Variants in NR2C1 observed in about 807,000 individuals in gnomAD.
NR2C1 encodes nuclear receptor subfamily 2 group C member 1, also known as TR2 nuclear hormone receptor.
A neutral mutation model predicts 74.8 loss-of-function variants in NR2C1; 33 were observed. That is an observed-to-expected ratio of 0.44 (90% confidence interval 0.33 to 0.59). NR2C1 has a LOEUF of 0.59. NR2C1 is among the 20% of genes least tolerant of loss of function. The pLI, the probability that NR2C1 is intolerant of heterozygous loss-of-function variation, is 0.02. For synonymous variants in NR2C1, 225 were observed against 240.6 expected, an observed-to-expected ratio of 0.94 and a Z score of 0.60; for missense variants, 568 against 715.6, an observed-to-expected ratio of 0.79 and a Z score of 2.35.
chr12:95,071,201 CAAAA>C (rs779085122), intron 1 of NR2C1, among the ~76,000 whole-genome samples: 2 of 94,026 alleles, frequency 2.1e-5, no homozygotes, highest in African/African-American at 3.6e-5. Context: ...AACTCCGTCT[CAAAA>C]AAAAAAAAAA....
chr12:95,040,670 T>C (rs1871415670), intron 9 of NR2C1, 73 bp from the exon 10 acceptor site: 2 of 1,427,464 alleles, frequency 1.4e-6, no homozygotes, highest in African/African-American at 2.8e-5. Context: ...TTTGAAAAAG[T>C]TTAAACGTAA....
chr12:95,048,621 A>AG (rs1491047972), intron 9 of NR2C1, among the ~76,000 whole-genome samples: 3 of 123,762 alleles, frequency 2.4e-5, no homozygotes, highest in South Asian at 2.8e-4. Context: ...TATGCAGATG[A>AG]GTTTTTTTTT....
intron 10 of NR2C1, among the ~76,000 whole-genome samples, chr12:95,033,164 A>T (rs1870373381): frequency 6.6e-6 from 1 of 151,948 alleles, no homozygotes; most frequent in African/African-American, 2.4e-5. Context: ...AAAAAAAAAA[A>T]TTGAGAAAGT....
At chr12:95,067,118 T>G (rs1875831179) in intron 2 of NR2C1, 3 of 572,792 alleles carry the variant, frequency 5.2e-6, no homozygotes, top group Non-Finnish European at 9.1e-6. Flanking sequence ...TTTTCTTCTG[T>G]GCTCCCATTG....
At chr12:95,049,320 A>C in intron 8 of NR2C1, 87 bp from the exon 9 acceptor site, 1 of 1,410,754 alleles carries the variant, frequency 7.1e-7, no homozygotes. Flanking sequence ...TTAAGATTTA[A>C]GCCTAAAAAA....
In NR2C1 at chr12:95,049,146, G is replaced by C. The variant is rs766324905; in HGVS notation, c.1053C>G (p.His351Gln). The change falls in exon 9 of 14, where the codon CAC (histidine) becomes CAG (glutamine). Residue 351 changes from histidine to glutamine, a missense_variant. Physicochemically the swap from His to Gln is conservative, Grantham distance 24. Transcript: ENST00000333003. ...SSVAGMEGSV[H>Q]LITGDSSINY... ...TTATGCTTGAATCTCCAGTGATTAG[G>C]TGTACACTTCCTTCCATGCCCGCTA... is the stretch of plus-strand genomic sequence containing the variant. 1.9e-6 allele frequency: 3 copies of C among 1,613,774 alleles called. No homozygotes were observed. The Admixed American group carries it at 5.0e-5, about 27-fold the overall frequency.
At chr12:95,064,218 A>G (rs1470827708) in intron 2 of NR2C1, among the ~76,000 whole-genome samples, 5 of 150,528 alleles carry the variant, frequency 3.3e-5, no homozygotes, top group African/African-American at 1.2e-4. Context: ...AATCCGAGCT[A>G]TGTGGGAGGC....
chr12:95,065,004 C>A (rs1453932715), intron 2 of NR2C1, among the ~76,000 whole-genome samples: 1 of 152,210 alleles, frequency 6.6e-6, no homozygotes, highest in African/African-American at 2.4e-5. Context: ...CATGGTCCAA[C>A]TGCTCCTGGG....
In NR2C1 at chr12:95,071,684, C is replaced by A. The variant is rs371345225; in HGVS notation, c.-8+1696G>T. On this transcript the variant is annotated intron_variant, in intron 1 of 13. Coordinates refer to ENST00000333003, the MANE Select transcript of NR2C1 (RefSeq NM_003297.4). Reference sequence around the variant, plus strand: ...ATTTCTATAAAACAAAACAAAAAAACCTTTCCTAGAAGAAACTAACATGCC... The same window carrying A: ...ATTTCTATAAAACAAAACAAAAAAAACTTTCCTAGAAGAAACTAACATGCC... Among the ~76,000 whole-genome samples the A allele has an allele frequency of 2.6e-4, 40 of 152,088 alleles. 4 individuals carry two copies. The highest frequency in any genetic ancestry group is 1.5e-3 in the East Asian group (8 of 5,172).
At chr12:95,072,752 C>T (rs928395710) in intron 1 of NR2C1, 11 of 152,236 alleles carry the variant, frequency 7.2e-5, no homozygotes, top group African/African-American at 2.7e-4. Flanking sequence ...TTGGACATGC[C>T]CCCTGCAGTG....
chr12:95,027,436 A>G (rs1205468921), intron 12 of NR2C1, among the ~76,000 whole-genome samples: 1 of 152,136 alleles, frequency 6.6e-6, no homozygotes, highest in Middle Eastern at 3.2e-3. Flanking sequence ...AAAATTCACC[A>G]ATTTAAAGTA....
At chr12:95,025,042 T>C (rs1869188558) in intron 13 of NR2C1, 108 bp downstream of exon 13, 1 of 532,722 alleles carries the variant, frequency 1.9e-6, no homozygotes, top group Non-Finnish European at 3.2e-6. Flanking sequence ...ATTTCAAAGT[T>C]AAGGTTGCCT....
At chr12:95,051,456 G>A (rs1475692236) in intron 8 of NR2C1, among the ~76,000 whole-genome samples, 2 of 152,152 alleles carry the variant, frequency 1.3e-5, no homozygotes, top group African/African-American at 4.8e-5. Flanking sequence ...GAGGAGCCAA[G>A]ACCTATGTGT....
rs1868734706 is a variant in NR2C1, at chr12:95,021,092, T to A, written c.*1137A>T. 6.6e-6 allele frequency: 1 copy of A among 152,136 alleles called. No individual in the cohort carries two copies. The allele number at this position is 152,136 out of a possible 1,614,324, so 9.4% of individuals were successfully genotyped here. A position where few individuals can be genotyped will look rare whatever the true frequency, so the allele number is the denominator to read the frequency against. On this transcript the variant is annotated 3_prime_UTR_variant, in exon 14 of 14. Transcript: ENST00000333003. ...CATGACAGGTTTGGGAAGCTCTAAC[T>A]CAGGTCAGAAAAGTGGGAGAGAGAT...
intron 10 of NR2C1, among the ~76,000 whole-genome samples, chr12:95,034,126 T>A (rs1870514962): frequency 6.6e-6 from 1 of 152,226 alleles, no homozygotes; most frequent in South Asian, 2.1e-4. Context: ...CATTACATTT[T>A]ATTAAATAAT....
chr12:95,046,644 A>G (rs946655633), intron 9 of NR2C1, among the ~76,000 whole-genome samples: 1 of 152,218 alleles, frequency 6.6e-6, no homozygotes, highest in Non-Finnish European at 1.5e-5. Context: ...GCCCAAAGGA[A>G]ACAGTGTATG....
Position 95,067,438 on chromosome 12 carries a change from CTT to C in NR2C1, c.-7-49_-7-48del, listed in dbSNP as rs1875884288. ...TTTATAATTAAACTCACAAAACACT[CTT>C]ATTAAATAATTTACAAATAAAACTA... On this transcript the variant is annotated intron_variant, in intron 1 of 13. Coordinates refer to ENST00000333003, the MANE Select transcript of NR2C1 (RefSeq NM_003297.4). 3.1e-6 allele frequency: 4 copies of C among 1,276,882 alleles called. No individual in the cohort carries two copies. In the East Asian group the frequency reaches 9.7e-5, roughly 31 times the overall value. The allele number at this position is 1,276,882 out of a possible 1,614,324, so 79.1% of individuals were successfully genotyped here. A position where few individuals can be genotyped will look rare whatever the true frequency, so the allele number is the denominator to read the frequency against.
At chr12:95,030,382 G>GTT in intron 11 of NR2C1, 2 of 1,120,214 alleles carry the variant, frequency 1.8e-6, no homozygotes. Flanking sequence ...TAAAAACACT[G>GTT]TTAAGAAGAA....
In NR2C1 at chr12:95,021,833, T is replaced by C. The variant is rs1868808061; in HGVS notation, c.*396A>G. On this transcript the variant is annotated 3_prime_UTR_variant, in exon 14 of 14. Transcript: ENST00000333003. ...ATGCAAGGAACTAACTCCTTAGGGATTTCTGACCATTAAGTATTTTTACTA... is the reference window on the plus strand; with the variant it reads ...ATGCAAGGAACTAACTCCTTAGGGACTTCTGACCATTAAGTATTTTTACTA... 1 of 153,858 alleles carries C rather than the reference T, an allele frequency of 6.5e-6. No individual in the cohort carries two copies. The highest frequency in any genetic ancestry group is 2.4e-5 in the African/African-American group (1 of 41,492). 9.5% of individuals were successfully genotyped at this position (153,858 alleles called of 1,614,324 possible). A position where few individuals can be genotyped will look rare whatever the true frequency, so the allele number is the denominator to read the frequency against.
Sources: allele counts gnomAD v4.1 joint callset (sites outside exome capture counted in the v4.1 genomes callset), GRCh38; gene constraint gnomAD v4.1.1; transcripts MANE v1.5; gene names NCBI Gene and HGNC (gene_info 2026-07-23, HGNC 2026-07-21).